ZC4H2: variants seen among roughly 807,000 people sequenced by gnomAD.
The protein encoded by ZC4H2 is zinc finger C4H2 domain-containing protein.
For missense variants in ZC4H2, 137 were observed against 173.9 expected, an observed-to-expected ratio of 0.79 and a Z score of 1.19; for synonymous variants, 84 against 66.3, an observed-to-expected ratio of 1.27 and a Z score of -1.30.
rs910476072 is a variant in ZC4H2, at chrX:64,975,452, C to A, written c.53+873G>T. Among the ~76,000 whole-genome samples, 3 of 111,775 alleles carry A rather than the reference C, an allele frequency of 2.7e-5. No homozygotes were observed. In the Admixed American group the frequency reaches 2.8e-4, roughly 11 times the overall value. On this transcript the variant is annotated intron_variant, in intron 1 of 4. Transcript: ENST00000374839. ...CCACCTTGGGTTCTCAGAAAACACT[C>A]CAGGGAGAGAGCTTGACCCAGGCCA... is the stretch of plus-strand genomic sequence containing the variant.
chrX:65,028,346 C>CTGT (rs1474772789), intron 1 of ZC4H2, among the ~76,000 whole-genome samples: 1 of 112,226 alleles, frequency 8.9e-6, no homozygotes, highest in Non-Finnish European at 1.9e-5. Flanking sequence ...GCAAGAATCC[C>CTGT]TGTCTTCATG....
chrX:64,994,568 T>A (rs966370671), intron 1 of ZC4H2, among the ~76,000 whole-genome samples: 1 of 112,170 alleles, frequency 8.9e-6, no homozygotes, highest in African/African-American at 3.2e-5. Flanking sequence ...CTTTACCATT[T>A]CCAGCCTTTG....
At chrX:64,987,076 C>T (rs1364941510) in intron 1 of ZC4H2, among the ~76,000 whole-genome samples, 2 of 108,346 alleles carry the variant, frequency 1.8e-5, no homozygotes, top group African/African-American at 6.7e-5. Context: ...TACAGGCGCC[C>T]GCCACCAAGC....
rs780045062 is a variant in ZC4H2 at position 65,023,790 on chromosome X, T to C, written c.-272+10839A>G. On this transcript the variant is annotated intron_variant, in intron 1 of 4. Coordinates refer to the ZC4H2 transcript ENST00000337990. ...CAAAGGATTATAAATCATTCTACTA[T>C]AAAGACACGTGCATACATACATTTA... 2.3e-4 allele frequency among the ~76,000 whole-genome samples: 26 copies of C among 111,531 alleles called. 1 individual carries two copies. Among genetic ancestry groups the C allele is most frequent in the Admixed American group, 9.5e-4 (10 of 10,542 alleles).
chrX:64,963,602 G>A (rs1002728520), intron 1 of ZC4H2, among the ~76,000 whole-genome samples: 14 of 111,440 alleles, frequency 1.3e-4, no homozygotes, highest in South Asian at 7.5e-4. Context: ...CTATTAACCC[G>A]ATTGAACACT....
intron 2 of ZC4H2, 81 bp from the exon 3 acceptor site, chrX:64,920,334 C>T: frequency 9.6e-7 from 1 of 1,038,178 alleles, no homozygotes; most frequent in South Asian, 2.3e-5. Flanking sequence ...AATAATAGCA[C>T]AAGCTCCAGA....
At chrX:65,033,437 C>A (rs1390569073) in intron 1 of ZC4H2, among the ~76,000 whole-genome samples, 4 of 111,573 alleles carry the variant, frequency 3.6e-5, no homozygotes, top group Non-Finnish European at 5.6e-5. Context: ...CCCAGGTGAA[C>A]CTTTGGGAAA....
intron 1 of ZC4H2, among the ~76,000 whole-genome samples, chrX:64,932,249 C>T (rs2147362910): frequency 9.0e-6 from 1 of 110,787 alleles, no homozygotes; most frequent in East Asian, 2.8e-4. Context: ...TACATGAGTC[C>T]TTATGCATTA....
intron 1 of ZC4H2, among the ~76,000 whole-genome samples, chrX:64,988,444 G>T (rs1467825282): frequency 9.0e-6 from 1 of 111,457 alleles, no homozygotes; most frequent in African/African-American, 3.3e-5. Flanking sequence ...GAGTGAGATG[G>T]TATCTCATTG....
At chrX:65,023,334 T>C (rs1228669049) in intron 1 of ZC4H2, among the ~76,000 whole-genome samples, 1 of 111,753 alleles carries the variant, frequency 8.9e-6, no homozygotes, top group African/African-American at 3.3e-5. Flanking sequence ...TTTTCCTAAC[T>C]GAATACACTT....
intron 1 of ZC4H2, among the ~76,000 whole-genome samples, chrX:64,990,445 T>C (rs1602441554): frequency 9.0e-6 from 1 of 111,540 alleles, no homozygotes; most frequent in South Asian, 3.8e-4. Context: ...TGTATCTTGA[T>C]TATATTAATG....
At chrX:65,012,883 AAGAG>A (rs891459932) in intron 1 of ZC4H2, among the ~76,000 whole-genome samples, 5 of 111,707 alleles carry the variant, frequency 4.5e-5, no homozygotes, top group African/African-American at 1.6e-4. Context: ...AAGATAAAGA[AAGAG>A]ATAGAAATTC....
chrX:64,918,366 A>G, intron 4 of ZC4H2: 1 of 117,176 alleles, frequency 8.5e-6, no homozygotes, highest in Non-Finnish European at 1.8e-5. Context: ...GCTTGCAAAC[A>G]CAGACATGCA....
At chrX:64,947,935 C>A (rs185704402) in intron 1 of ZC4H2, among the ~76,000 whole-genome samples, 2 of 109,721 alleles carry the variant, frequency 1.8e-5, no homozygotes, top group Non-Finnish European at 3.8e-5. Context: ...CTGTCTGATT[C>A]ATGAATTGTT....
chrX:64,978,033 T>A (rs1932000223), upstream of ZC4H2, among the ~76,000 whole-genome samples: 1 of 111,160 alleles, frequency 9.0e-6, no homozygotes, highest in African/African-American at 3.3e-5. Flanking sequence ...CACTCCCAAC[T>A]AAAAGTGAGT....
At chrX:65,019,821 C>A (rs1932823471) in intron 1 of ZC4H2, among the ~76,000 whole-genome samples, 1 of 111,671 alleles carries the variant, frequency 9.0e-6, no homozygotes, top group African/African-American at 3.3e-5. Flanking sequence ...ACTAAAATAA[C>A]CAGTTTAGAG....
chrX:64,960,893 T>C (rs1264390420), intron 1 of ZC4H2, among the ~76,000 whole-genome samples: 1 of 111,949 alleles, frequency 8.9e-6, no homozygotes, highest in Non-Finnish European at 1.9e-5. Context: ...CTGGAGAATG[T>C]TCTGTGTACA....
rs1233488861 is a variant in ZC4H2, at chrX:64,920,198, G to T, written c.281C>A (p.Thr94Lys). ...ENDLNKLLES[T>K]RRLHDEYKPL... Reference sequence around the variant, plus strand: ...CTTATACTCATCATGCAGCCTCCTTGTAGACTCTAGCAGCTTGTTTAGGTC... The same window carrying T: ...CTTATACTCATCATGCAGCCTCCTTTTAGACTCTAGCAGCTTGTTTAGGTC... Residue 94 changes from threonine to lysine, a missense_variant, in exon 3 of 5, where the codon ACA becomes AAA. Physicochemically the swap from Thr to Lys is moderately conservative, Grantham distance 78 (BLOSUM62 -1). Coordinates refer to ENST00000374839, the MANE Select transcript of ZC4H2 (RefSeq NM_018684.4). 1 of 1,209,547 alleles carries T rather than the reference G, an allele frequency of 8.3e-7. No homozygotes were observed. The highest frequency in any genetic ancestry group is 1.1e-6 in the Non-Finnish European group (1 of 895,113).
intron 1 of ZC4H2, among the ~76,000 whole-genome samples, chrX:64,998,876 C>A (rs1040312700): frequency 1.0e-4 from 11 of 109,174 alleles, no homozygotes; most frequent in Admixed American, 3.9e-4. Context: ...CTCTTATAAT[C>A]ATTTTTTTAA....
Sources: gnomAD v4.1 joint callset for allele counts (sites outside exome capture counted in the v4.1 genomes callset) on GRCh38, gnomAD v4.1.1 for gene constraint, MANE v1.5 for transcripts, NCBI Gene and HGNC (gene_info 2026-07-23, HGNC 2026-07-21) for gene names.